Variants in TDP1 observed in about 807,000 individuals in gnomAD.
The protein encoded by TDP1 is tyrosyl-DNA phosphodiesterase 1.
A neutral mutation model predicts 81.5 loss-of-function variants in TDP1; 64 were observed. That is an observed-to-expected ratio of 0.79 (90% CI 0.64 to 0.97). TDP1 has a LOEUF of 0.97. Ranked by LOEUF, TDP1 falls within the 50% of genes least tolerant of loss-of-function variation. The probability of loss-of-function intolerance (pLI) is 0.00; values close to 1 mark genes in which losing one functional copy is unlikely to be tolerated. For synonymous variants in TDP1, 256 were observed against 264.3 expected, an observed-to-expected ratio of 0.97 and a Z score of 0.30; for missense variants, 723 against 743.8, an observed-to-expected ratio of 0.97 and a Z score of 0.33.
At chr14:90,024,322 G>A (rs890378702) in intron 15 of TDP1, among the ~76,000 whole-genome samples, 3 of 152,124 alleles carry the variant, frequency 2.0e-5, no homozygotes, top group Non-Finnish European at 2.9e-5. Context: ...CCCCACCTCT[G>A]CCTGCTGCAC....
chr14:90,031,121 A>G (rs1329233094), intron 15 of TDP1, among the ~76,000 whole-genome samples: 3 of 151,634 alleles, frequency 2.0e-5, no homozygotes, highest in Non-Finnish European at 4.4e-5. Flanking sequence ...TTTTATTATT[A>G]TTATACTTTA....
chr14:90,036,816 T>TAAAAAA (rs10645574), intron 16 of TDP1, among the ~76,000 whole-genome samples: 1 of 131,666 alleles, frequency 7.6e-6, no homozygotes, highest in African/African-American at 2.9e-5. Context: ...CCCCGCCCCT[T>TAAAAAA]AAAAAAAAAA....
rs1285279134 is a variant in TDP1 at position 90,043,157 on chromosome 14, C to G, written c.*14C>G. 1 of 1,614,202 alleles carries G rather than the reference C, an allele frequency of 6.2e-7. No homozygotes were observed. The highest frequency in any genetic ancestry group is 8.5e-7 in the Non-Finnish European group (1 of 1,180,032). On this transcript the variant is annotated 3_prime_UTR_variant, in exon 17 of 17. Transcript: ENST00000335725. ...GTGCCCTCCTGAGAATCTTGAGGCACTGTGAAATTTAAGTGTAAGACATTG... is the reference window on the plus strand; with the variant it reads ...GTGCCCTCCTGAGAATCTTGAGGCAGTGTGAAATTTAAGTGTAAGACATTG...
chr14:90,020,532 C>A (rs1215607179), intron 15 of TDP1, among the ~76,000 whole-genome samples: 2 of 45,586 alleles, frequency 4.4e-5, no homozygotes, highest in Non-Finnish European at 7.9e-5. Flanking sequence ...TCCCTCCCTT[C>A]CTTCCCTCCC....
intron 16 of TDP1, among the ~76,000 whole-genome samples, chr14:90,039,999 G>C (rs538869462): frequency 6.6e-6 from 1 of 152,278 alleles, no homozygotes; most frequent in Non-Finnish European, 1.5e-5. Flanking sequence ...CCCGTGGAGA[G>C]CTAAGTTCTA....
chr14:89,961,475 TA>T (rs1350806443), intron 2 of TDP1, among the ~76,000 whole-genome samples: 1 of 152,206 alleles, frequency 6.6e-6, no homozygotes, highest in Non-Finnish European at 1.5e-5. Flanking sequence ...GAACATAGTT[TA>T]AAGGTAGCAG....
intron 6 of TDP1, among the ~76,000 whole-genome samples, chr14:89,972,994 C>T (rs1893840499): frequency 6.6e-6 from 1 of 152,140 alleles, no homozygotes; most frequent in Non-Finnish European, 1.5e-5. Context: ...TTGTATCACT[C>T]TTTTTCCAAC....
Position 89,973,948 on chromosome 14 carries a change from C to G in TDP1, c.757-1833C>G, listed in dbSNP as rs1456475638. ...GGAGGAAGACAGACACATAGGCTGTCTGGTAGCTCTTGTATAAGGACAGCA... is the reference window on the plus strand; with the variant it reads ...GGAGGAAGACAGACACATAGGCTGTGTGGTAGCTCTTGTATAAGGACAGCA... On this transcript the variant is annotated intron_variant, in intron 6 of 16. Coordinates refer to ENST00000335725, the MANE Select transcript of TDP1 (RefSeq NM_018319.4). 2.6e-5 allele frequency among the ~76,000 whole-genome samples: 4 copies of G among 152,084 alleles called. No homozygotes were observed. The East Asian group carries it at 7.7e-4, about 29-fold the overall frequency.
At chr14:90,014,631 G>A (rs1222797225) in intron 14 of TDP1, among the ~76,000 whole-genome samples, 1 of 152,150 alleles carries the variant, frequency 6.6e-6, no homozygotes, top group Non-Finnish European at 1.5e-5. Context: ...CATTGTCTCT[G>A]TACTCTTTGT....
At chr14:89,978,745 A>G (rs527332939) in intron 7 of TDP1, among the ~76,000 whole-genome samples, 67 of 152,356 alleles carry the variant, frequency 4.4e-4, no homozygotes, top group Non-Finnish European at 8.1e-4. Flanking sequence ...TCATGAATCC[A>G]TAACTGACTT....
intron 4 of TDP1, 88 bp from the exon 5 acceptor site, chr14:89,967,279 C>G (rs1893048242): frequency 1.4e-6 from 2 of 1,419,166 alleles, no homozygotes; most frequent in African/African-American, 2.8e-5. Flanking sequence ...TTTAGAGTTT[C>G]CTTAAATGTA....
intron 16 of TDP1, among the ~76,000 whole-genome samples, chr14:90,039,863 G>T (rs1888190451): frequency 6.6e-6 from 1 of 152,108 alleles, no homozygotes; most frequent in South Asian, 2.1e-4. Flanking sequence ...CATGATGCAA[G>T]TACGATAGTA....
At chr14:90,023,993 G>A (rs962953884) in intron 15 of TDP1, among the ~76,000 whole-genome samples, 1 of 152,000 alleles carries the variant, frequency 6.6e-6, no homozygotes, top group East Asian at 1.9e-4. Context: ...GAACACCCCC[G>A]CAACATCACA....
At chr14:89,962,644 T>C (rs1892453145) in intron 2 of TDP1, among the ~76,000 whole-genome samples, 1 of 151,906 alleles carries the variant, frequency 6.6e-6, no homozygotes, top group Admixed American at 6.6e-5. Context: ...TGGGTGGATC[T>C]CTTGAGTCCA....
chr14:90,014,512 G>A (rs1357479224), intron 14 of TDP1, among the ~76,000 whole-genome samples: 1 of 152,152 alleles, frequency 6.6e-6, no homozygotes, highest in Non-Finnish European at 1.5e-5. Flanking sequence ...ATCTTCTCCA[G>A]CACACAGTTA....
intron 14 of TDP1, among the ~76,000 whole-genome samples, chr14:90,010,970 A>G (rs923116492): frequency 1.3e-5 from 2 of 152,188 alleles, no homozygotes; most frequent in African/African-American, 4.8e-5. Flanking sequence ...TGTAGCACCC[A>G]TAATCCCCAC....
At chr14:89,967,486 G>A in intron 5 of TDP1, 64 bp downstream of exon 5, 1 of 1,377,184 alleles carries the variant, frequency 7.3e-7, no homozygotes, top group Non-Finnish European at 1.0e-6. Context: ...CCTAAGATTT[G>A]TATTTCTCAG....
intron 16 of TDP1, chr14:90,033,439 A>G (rs1887513376): frequency 5.0e-6 from 3 of 595,470 alleles, no homozygotes; most frequent in East Asian, 3.2e-5. Context: ...CCTGACTTAC[A>G]CTGGGGCTAC....
intron 9 of TDP1, 38 bp from the exon 10 acceptor site, chr14:89,985,094 C>G (rs1290111933): frequency 6.6e-7 from 1 of 1,510,778 alleles, no homozygotes; most frequent in Non-Finnish European, 9.2e-7. Context: ...CAAAGCACAT[C>G]ACTATATTTT....
Sources: allele counts gnomAD v4.1 joint callset (sites outside exome capture counted in the v4.1 genomes callset), GRCh38; gene constraint gnomAD v4.1.1; transcripts MANE v1.5; gene names NCBI Gene and HGNC (gene_info 2026-07-23, HGNC 2026-07-21).